CCDC148: variants seen among roughly 807,000 people sequenced by gnomAD.
CCDC148 encodes coiled-coil domain-containing protein 148.
In CCDC148, 89 loss-of-function variants were observed where a neutral mutation model predicts 85.7. That is an observed-to-expected ratio of 1.04 (90% confidence interval 0.87 to 1.24). The LOEUF (loss-of-function observed/expected upper bound fraction) is 1.24, where lower values mean the gene tolerates loss of function less well. Among genes scored for constraint, CCDC148 ranks in the 50% most tolerant of loss-of-function variants. The pLI is 0.00. For missense variants in CCDC148, 692 were observed against 671.7 expected, an observed-to-expected ratio of 1.03 and a Z score of -0.33; for synonymous variants, 230 against 213.9, an observed-to-expected ratio of 1.08 and a Z score of -0.66.
At chr2:158,419,043 G>A (rs578147747) in intron 1 of CCDC148, among the ~76,000 whole-genome samples, 21 of 152,244 alleles carry the variant, frequency 1.4e-4, no homozygotes, top group Non-Finnish European at 1.9e-4. Flanking sequence ...CCAAATGTGT[G>A]CCAGGAGTAG....
intron 7 of CCDC148, among the ~76,000 whole-genome samples, chr2:158,336,022 C>T (rs1682357331): frequency 6.6e-6 from 1 of 152,108 alleles, no homozygotes; most frequent in African/African-American, 2.4e-5. Context: ...AAACAATGCC[C>T]CCTGGATATT....
chr2:158,271,231 A>C (rs1689685955), intron 9 of CCDC148, among the ~76,000 whole-genome samples: 1 of 152,122 alleles, frequency 6.6e-6, no homozygotes, highest in Non-Finnish European at 1.5e-5. Context: ...CTCAATTACT[A>C]ATTCACCACT....
intron 9 of CCDC148, among the ~76,000 whole-genome samples, chr2:158,277,698 G>A (rs890535611): frequency 5.3e-5 from 8 of 151,990 alleles, no homozygotes; most frequent in South Asian, 2.1e-4. Flanking sequence ...CCAGGTTCAC[G>A]CCATTCTCCT....
intron 9 of CCDC148, among the ~76,000 whole-genome samples, chr2:158,308,504 A>C (rs1691805532): frequency 6.6e-6 from 1 of 152,244 alleles, no homozygotes; most frequent in Non-Finnish European, 1.5e-5. Flanking sequence ...TTTTTCCTCT[A>C]ATGTTTTAAA....
At chr2:158,329,330 T>C (rs918924215) in intron 7 of CCDC148, among the ~76,000 whole-genome samples, 4 of 152,220 alleles carry the variant, frequency 2.6e-5, no homozygotes, top group Non-Finnish European at 5.9e-5. Context: ...GTTGTAGATA[T>C]GCGGCATTAT....
intron 1 of CCDC148, among the ~76,000 whole-genome samples, chr2:158,431,926 G>GA (rs796519016): frequency 1.2e-4 from 18 of 145,364 alleles, no homozygotes; most frequent in South Asian, 6.5e-4. Flanking sequence ...AACAGAGCAA[G>GA]AAAAAAAAAA....
chr2:158,305,982 T>G (rs981802907), intron 9 of CCDC148, among the ~76,000 whole-genome samples: 3 of 152,158 alleles, frequency 2.0e-5, no homozygotes, highest in African/African-American at 4.8e-5. Context: ...AAATGCATTA[T>G]GCTAAGTGAA....
chr2:158,339,567 A>G (rs1682564895), intron 5 of CCDC148, among the ~76,000 whole-genome samples: 1 of 152,198 alleles, frequency 6.6e-6, no homozygotes, highest in Non-Finnish European at 1.5e-5. Flanking sequence ...AATTGAGGGG[A>G]AGCAGTTGAC....
At chr2:158,266,154 C>G (rs1689442760) in intron 9 of CCDC148, among the ~76,000 whole-genome samples, 1 of 152,164 alleles carries the variant, frequency 6.6e-6, no homozygotes, top group Non-Finnish European at 1.5e-5. Context: ...CTTTCATTGG[C>G]TCCCCACTGT....
At chr2:158,242,033 T>C (rs1688371835) in intron 10 of CCDC148, among the ~76,000 whole-genome samples, 1 of 152,164 alleles carries the variant, frequency 6.6e-6, no homozygotes, top group African/African-American at 2.4e-5. Context: ...TGCTTTAAAG[T>C]GGATAACTAT....
chr2:158,448,026 C>T (rs909134943), intron 1 of CCDC148, among the ~76,000 whole-genome samples: 2 of 151,892 alleles, frequency 1.3e-5, no homozygotes, highest in African/African-American at 4.8e-5. Context: ...ACAGGTAGGT[C>T]TGTGATATAT....
chr2:158,448,981 C>T (rs1010084768), intron 1 of CCDC148, among the ~76,000 whole-genome samples: 7 of 152,086 alleles, frequency 4.6e-5, no homozygotes, highest in African/African-American at 9.7e-5. Flanking sequence ...GTGCCCGCCA[C>T]CACATCTGGC....
chr2:158,309,374 G>A (rs1691857873), intron 9 of CCDC148, 59 bp downstream of exon 9: 1 of 1,417,826 alleles, frequency 7.1e-7, no homozygotes, highest in Non-Finnish European at 9.7e-7. Flanking sequence ...TTGAACAAAA[G>A]GGAAAAATGG....
At chr2:158,383,978 C>G (rs1201755657) in intron 1 of CCDC148, among the ~76,000 whole-genome samples, 1 of 152,182 alleles carries the variant, frequency 6.6e-6, no homozygotes, top group Non-Finnish European at 1.5e-5. Context: ...CTTTCAGGAT[C>G]TTGACACTTT....
At chr2:158,222,496 T>C (rs1036803323) in intron 10 of CCDC148, among the ~76,000 whole-genome samples, 1 of 151,998 alleles carries the variant, frequency 6.6e-6, no homozygotes, top group African/African-American at 2.4e-5. Flanking sequence ...CTCTAATCCT[T>C]TTCAGTGCTT....
chr2:158,286,582 A>G (rs1439456262), intron 9 of CCDC148, among the ~76,000 whole-genome samples: 1 of 152,188 alleles, frequency 6.6e-6, no homozygotes, highest in Non-Finnish European at 1.5e-5. Flanking sequence ...GTAGGAGGGC[A>G]TTTTCTATAG....
chr2:158,205,604 G>A (rs1686201062), intron 11 of CCDC148, among the ~76,000 whole-genome samples: 1 of 152,098 alleles, frequency 6.6e-6, no homozygotes. Flanking sequence ...GTAGGAAGTG[G>A]TAAGATAGGG....
At position 158,202,654 on chromosome 2, in the gene CCDC148, GACAA is replaced by G. The variant is rs1358347994; in HGVS notation, c.1370+17937_1370+17940del. On this transcript the variant is annotated intron_variant, in intron 11 of 13. Coordinates refer to ENST00000283233, the MANE Select transcript of CCDC148 (RefSeq NM_138803.4). ...ACTGCAGCACACGAAAGCAGCCAGA[GACAA>G]ACAAAGAAGCTTGGCTCTGTTCCAA... Among the ~76,000 whole-genome samples, 4 of 152,164 alleles carry G rather than the reference GACAA, an allele frequency of 2.6e-5. No individual in the cohort carries two copies. In the East Asian group the frequency reaches 5.8e-4, roughly 22 times the overall value.
intron 11 of CCDC148, among the ~76,000 whole-genome samples, chr2:158,217,576 G>A (rs897110647): frequency 6.6e-6 from 1 of 151,730 alleles, no homozygotes; most frequent in Admixed American, 6.6e-5. Context: ...CTAATTTTTT[G>A]TACTTTTTTA....
Sources: allele counts gnomAD v4.1 joint callset (sites outside exome capture counted in the v4.1 genomes callset), GRCh38; gene constraint gnomAD v4.1.1; transcripts MANE v1.5; gene names NCBI Gene and HGNC (gene_info 2026-07-23, HGNC 2026-07-21).